Variants in CAMTA1 observed in about 807,000 individuals in gnomAD.
The protein encoded by CAMTA1 is calmodulin binding transcription activator 1.
CAMTA1 carries 27 observed loss-of-function variants against 170.9 expected under a neutral mutation model. That is an observed-to-expected ratio of 0.16 (90% CI 0.12 to 0.22). CAMTA1 has a LOEUF of 0.22. CAMTA1 is among the 10% of genes least tolerant of loss of function. The pLI is 1.00. For missense variants in CAMTA1, 1,619 were observed against 2,217.2 expected (o/e 0.73, Z 5.42); for synonymous variants, 833 against 891.5 (o/e 0.93, Z 1.17).
chr1:7,031,305 C>CT (rs1202077072), intron 3 of CAMTA1, among the ~76,000 whole-genome samples: 3 of 152,090 alleles, frequency 2.0e-5, no homozygotes, highest in African/African-American at 7.2e-5. Flanking sequence ...ATTAACTTCT[C>CT]TATAATTAAC....
intron 5 of CAMTA1, among the ~76,000 whole-genome samples, chr1:7,310,702 CTTTCTTTCTTTCTTTCTTTCTTTCTT>C (rs1676538674): frequency 2.0e-5 from 1 of 48,870 alleles, no homozygotes; most frequent in Non-Finnish European, 3.8e-5. Flanking sequence ...CTCTCTCTCT[CTTTCTTTCTTTCTTTCTTTCTTTCTT>C]TCTTTCTTTC....
intron 5 of CAMTA1, among the ~76,000 whole-genome samples, chr1:7,314,561 C>A (rs756279671): frequency 6.6e-6 from 1 of 152,206 alleles, no homozygotes; most frequent in Non-Finnish European, 1.5e-5. Flanking sequence ...ACCTGAGTGT[C>A]TTAAATGATG....
At chr1:7,500,061 G>A (rs1396548976) in intron 6 of CAMTA1, among the ~76,000 whole-genome samples, 2 of 137,972 alleles carry the variant, frequency 1.4e-5, no homozygotes, top group Admixed American at 7.2e-5. Context: ...GCGTGTGTAC[G>A]TATATGAGTG....
At chr1:6,876,063 T>C (rs1331350844) in intron 3 of CAMTA1, among the ~76,000 whole-genome samples, 2 of 152,236 alleles carry the variant, frequency 1.3e-5, no homozygotes, top group African/African-American at 4.8e-5. Flanking sequence ...CCATCTTCCA[T>C]GAGTGAGCAC....
Position 7,609,405 on chromosome 1 carries a change from T to G in CAMTA1, c.511-30995T>G. ...CTGGAGCACCTTCATGAATGATTCA[T>G]GAGGCTCTGCTCAACTTTGGGTGTT... On this transcript the variant is annotated intron_variant, in intron 6 of 22. Coordinates refer to ENST00000303635, the MANE Select transcript of CAMTA1 (RefSeq NM_015215.4). This position sits in a 1 kb window ranked among gnomAD's most constrained non-coding sequence, Gnocchi z 4.4. Among the ~76,000 whole-genome samples the G allele has an allele frequency of 6.6e-6, 1 of 152,200 alleles. No homozygotes were observed. The highest frequency in any genetic ancestry group is 2.4e-5 in the African/African-American group (1 of 41,464).
chr1:7,737,100 A>G (rs546667977), intron 14 of CAMTA1, 91 bp downstream of exon 14: 27 of 1,333,536 alleles, frequency 2.0e-5, no homozygotes, highest in South Asian at 1.8e-4. Context: ...TTGCTGACAC[A>G]TGGCATGTTT....
chr1:7,187,443 G>A (rs1211098810), intron 4 of CAMTA1, among the ~76,000 whole-genome samples: 5 of 151,644 alleles, frequency 3.3e-5, no homozygotes, highest in Non-Finnish European at 5.9e-5. Flanking sequence ...TTTTAACGTC[G>A]TTACTTAACA....
At chr1:7,004,062 C>T (rs920220160) in intron 3 of CAMTA1, among the ~76,000 whole-genome samples, 1 of 152,124 alleles carries the variant, frequency 6.6e-6, no homozygotes, top group Non-Finnish European at 1.5e-5. Flanking sequence ...CCCCAGCTTT[C>T]CTTGAAATAA....
intron 5 of CAMTA1, among the ~76,000 whole-genome samples, chr1:7,267,466 C>G (rs1049987648): frequency 6.6e-5 from 10 of 152,106 alleles, no homozygotes; most frequent in African/African-American, 2.4e-4. Flanking sequence ...CAGGATTGAT[C>G]CCCTGGAGTT....
At chr1:7,507,190 A>G (rs2094131768) in intron 6 of CAMTA1, among the ~76,000 whole-genome samples, 1 of 151,434 alleles carries the variant, frequency 6.6e-6, no homozygotes, top group African/African-American at 2.4e-5. Flanking sequence ...CACATACATA[A>G]CACCCTCACA....
intron 4 of CAMTA1, among the ~76,000 whole-genome samples, chr1:7,212,652 G>A (rs960642807): frequency 6.6e-6 from 1 of 152,112 alleles, no homozygotes; most frequent in Non-Finnish European, 1.5e-5. Context: ...GAAAACTATA[G>A]TAGAGTATCA....
intron 4 of CAMTA1, among the ~76,000 whole-genome samples, chr1:7,239,573 C>T (rs1315443680): frequency 1.3e-5 from 2 of 151,636 alleles, no homozygotes; most frequent in Admixed American, 6.6e-5. Context: ...CATGTCCCAG[C>T]GCCCTCTGCA....
At chr1:7,449,276 G>A (rs973860663) in intron 5 of CAMTA1, among the ~76,000 whole-genome samples, 12 of 152,242 alleles carry the variant, frequency 7.9e-5, no homozygotes, top group African/African-American at 2.4e-4. Flanking sequence ...TGCACCCAAC[G>A]TGGTGTGCGT....
rs2094748089 is a variant in CAMTA1, at chr1:7,548,728, AG to A, written c.510+80831del. Among the ~76,000 whole-genome samples, 5 of 76,990 alleles carry A rather than the reference AG, an allele frequency of 6.5e-5. 1 individual carries two copies. Among genetic ancestry groups the A allele is most frequent in the Non-Finnish European group, 1.1e-4 (4 of 35,624 alleles). 50.5% of individuals were successfully genotyped at this position (76,990 alleles called of 152,430 possible). On this transcript the variant is annotated intron_variant, in intron 6 of 22. Coordinates refer to ENST00000303635, the MANE Select transcript of CAMTA1 (RefSeq NM_015215.4). ...AGGTGCCCATGGAGGGTGCCTCCTT[AG>A]GGGTGGAGGTGCCCTTGCAGGGTTC...
intron 6 of CAMTA1, among the ~76,000 whole-genome samples, chr1:7,488,354 C>A (rs2093646187): frequency 2.0e-5 from 3 of 152,118 alleles, no homozygotes; most frequent in Admixed American, 6.5e-5. Context: ...TGGTGTCTGG[C>A]ACCCCACTGG....
rs1012303781 is a variant in CAMTA1, at chr1:7,224,653, C to T, written c.303-24838C>T. ...GGTCCCAGGTTGGAGGCGTGACACC[C>T]GCGCCTCTCCGCTGGTGTCATTGAT... is the stretch of plus-strand genomic sequence containing the variant. On this transcript the variant is annotated intron_variant, in intron 4 of 22. Coordinates refer to ENST00000303635, the MANE Select transcript of CAMTA1 (RefSeq NM_015215.4). The surrounding 1 kb of genome is among the most constrained non-coding windows in gnomAD (Gnocchi z 5.2). Among the ~76,000 whole-genome samples, 7 of 152,182 alleles carry T rather than the reference C, an allele frequency of 4.6e-5. No homozygotes were observed. Among genetic ancestry groups the T allele is most frequent in the African/African-American group, 1.4e-4 (6 of 41,436 alleles).
At chr1:6,908,692 A>G (rs939619768) in intron 3 of CAMTA1, among the ~76,000 whole-genome samples, 2 of 152,220 alleles carry the variant, frequency 1.3e-5, no homozygotes, top group Non-Finnish European at 2.9e-5. Flanking sequence ...CAACTTTGAT[A>G]ACATACCCTT....
chr1:7,646,075 A>ATTGGGTGGAGGCCATGGTGAG (rs796444349), intron 7 of CAMTA1, among the ~76,000 whole-genome samples: 5 of 134,018 alleles, frequency 3.7e-5, no homozygotes, highest in African/African-American at 1.4e-4. Context: ...GCCCTGGTGA[A>ATTGGGTGGAGGCCATGGTGAG]TTGGGTGGAG....
At chr1:7,336,325 C>T (rs2083382596) in intron 5 of CAMTA1, among the ~76,000 whole-genome samples, 1 of 152,208 alleles carries the variant, frequency 6.6e-6, no homozygotes, top group Non-Finnish European at 1.5e-5. Flanking sequence ...ATCTCTGCAG[C>T]CCAGAGCTGC....
Sources: allele counts gnomAD v4.1 joint callset (sites outside exome capture counted in the v4.1 genomes callset), GRCh38; gene constraint gnomAD v4.1.1; non-coding constraint Gnocchi (gnomAD v3.1); transcripts MANE v1.5; gene names NCBI Gene and HGNC (gene_info 2026-07-23, HGNC 2026-07-21).